PRKCQ: variants seen among roughly 807,000 people sequenced by gnomAD.
PRKCQ encodes protein kinase C theta, also known as protein kinase C theta type.
In PRKCQ, 41 loss-of-function variants were observed where a neutral mutation model predicts 91.2. The observed-to-expected ratio is 0.45, with a 90% confidence interval of 0.35 to 0.58. The LOEUF (loss-of-function observed/expected upper bound fraction) is 0.58, where lower values mean the gene tolerates loss of function less well. Among genes scored for constraint, PRKCQ ranks in the 20% least tolerant of loss-of-function variants. The pLI is 0.00. For missense variants in PRKCQ, 673 were observed against 896.5 expected (o/e 0.75, Z 3.18); for synonymous variants, 307 against 316.9 (o/e 0.97, Z 0.33).
intron 4 of PRKCQ, among the ~76,000 whole-genome samples, chr10:6,502,746 A>G (rs1367575908): frequency 6.6e-6 from 1 of 152,234 alleles, no homozygotes; most frequent in Non-Finnish European, 1.5e-5. Context: ...TGACTGATGC[A>G]TTCATGTGGA....
intron 1 of PRKCQ, among the ~76,000 whole-genome samples, chr10:6,527,435 T>C (rs1839239079): frequency 6.6e-6 from 1 of 152,166 alleles, no homozygotes; most frequent in Non-Finnish European, 1.5e-5. Context: ...TCATGGTCAT[T>C]ATGAGAAGGC....
chr10:6,549,722 C>G (rs2130932001), intron 1 of PRKCQ, among the ~76,000 whole-genome samples: 1 of 150,818 alleles, frequency 6.6e-6, no homozygotes, highest in Admixed American at 6.6e-5. Context: ...TCTCCACCTC[C>G]CAGGCTCAAG....
At position 6,497,136 on chromosome 10, in the gene PRKCQ, A is replaced by T; in HGVS notation, c.575-16T>A. The T allele has an allele frequency of 1.2e-6, 2 of 1,614,056 alleles. No homozygotes were observed. Among genetic ancestry groups the T allele is most frequent in the Non-Finnish European group, 1.7e-6 (2 of 1,179,940 alleles). Reference sequence around the variant, plus strand: ...GCATTGCATTCTGAAAAGAAGAAAAAAATCACAGCTTAAGATTTTCATAGC... The same window carrying T: ...GCATTGCATTCTGAAAAGAAGAAAATAATCACAGCTTAAGATTTTCATAGC... On this transcript the variant is annotated splice_polypyrimidine_tract_variant and intron_variant, in intron 6 of 17. Transcript: ENST00000263125. The surrounding 1 kb of genome is among the most constrained non-coding windows in gnomAD (Gnocchi z 4.5).
chr10:6,413,979 T>C, the PRKCQ span, among the ~76,000 whole-genome samples: 6 of 152,276 alleles, frequency 3.9e-5, no homozygotes, highest in Non-Finnish European at 8.8e-5. Context: ...CCTGACGACA[T>C]TGGACATCAG....
intron 11 of PRKCQ, among the ~76,000 whole-genome samples, chr10:6,481,471 A>G (rs952334062): frequency 2.0e-5 from 3 of 152,248 alleles, no homozygotes; most frequent in African/African-American, 7.2e-5. Flanking sequence ...ACTGGCTGTA[A>G]CATTGCCTAT....
At chr10:6,516,889 T>G (rs1251345342) in intron 1 of PRKCQ, among the ~76,000 whole-genome samples, 1 of 152,136 alleles carries the variant, frequency 6.6e-6, no homozygotes, top group Non-Finnish European at 1.5e-5. Flanking sequence ...GGAAGAGAGT[T>G]GGGGCAAAAC....
At position 6,486,123 on chromosome 10, in the gene PRKCQ, T is replaced by C; in HGVS notation, c.812A>G (p.His271Arg). The C allele has an allele frequency of 6.2e-7, 1 of 1,614,158 alleles. No individual in the cohort carries two copies. The highest frequency in any genetic ancestry group is 8.5e-7 in the Non-Finnish European group (1 of 1,180,006). ...KCDACGMNVHHRCQTKVANLC... is the reference protein window; with the variant it reads ...KCDACGMNVHRRCQTKVANLC... ...GTTGGCCACCTTTGTCTGGCATCTA[T>C]GATGCACATTCATGCCACATGCTGG... The change falls in exon 9 of 18, where the codon CAT (histidine) becomes CGT (arginine). Residue 271 changes from histidine to arginine, a missense_variant. Transcript: ENST00000263125.
At chr10:6,533,610 CT>C (rs1026528025) in intron 1 of PRKCQ, among the ~76,000 whole-genome samples, 5 of 152,146 alleles carry the variant, frequency 3.3e-5, no homozygotes, top group African/African-American at 1.2e-4. Context: ...TTCATCCTTC[CT>C]TCTCCCAGCC....
intron 1 of PRKCQ, among the ~76,000 whole-genome samples, chr10:6,531,349 G>C (rs1414363461): frequency 6.6e-6 from 1 of 151,582 alleles, no homozygotes; most frequent in East Asian, 1.9e-4. Flanking sequence ...GCTCCTCTGA[G>C]CAACATTTGG....
intron 12 of PRKCQ, among the ~76,000 whole-genome samples, chr10:6,464,655 C>A (rs1015975353): frequency 6.6e-6 from 1 of 152,120 alleles, no homozygotes; most frequent in South Asian, 2.1e-4. Flanking sequence ...GCCATGTTAG[C>A]CAGGCTGGTC....
chr10:6,492,082 G>A (rs776611771), intron 7 of PRKCQ, among the ~76,000 whole-genome samples: 23 of 152,182 alleles, frequency 1.5e-4, no homozygotes, highest in Non-Finnish European at 2.9e-4. Context: ...ACACAGACAG[G>A]CTAAAAGCTC....
chr10:6,470,372 G>A (rs750108299), intron 12 of PRKCQ, among the ~76,000 whole-genome samples: 4 of 152,054 alleles, frequency 2.6e-5, no homozygotes, highest in Non-Finnish European at 5.9e-5. Context: ...TGATTCTGAC[G>A]CTCATATATT....
chr10:6,431,044 T>C, intron 16 of PRKCQ, 106 bp from the exon 17 acceptor site: 23 of 1,380,916 alleles, frequency 1.7e-5, no homozygotes, highest in Non-Finnish European at 1.7e-5. Context: ...TCTAACCTCA[T>C]TTTTCTACTC....
At chr10:6,537,751 T>C (rs1839636375) in intron 1 of PRKCQ, among the ~76,000 whole-genome samples, 1 of 152,172 alleles carries the variant, frequency 6.6e-6, no homozygotes, top group South Asian at 2.1e-4. Context: ...GACACTTCTC[T>C]GGGGCTCTCA....
intron 1 of PRKCQ, among the ~76,000 whole-genome samples, chr10:6,545,934 G>A (rs1402563405): frequency 6.6e-6 from 1 of 152,114 alleles, no homozygotes; most frequent in Non-Finnish European, 1.5e-5. Context: ...AACCCAGGAG[G>A]TGGAGGTTGC....
chr10:6,502,046 T>C (rs1028675780), intron 4 of PRKCQ, among the ~76,000 whole-genome samples: 1 of 152,108 alleles, frequency 6.6e-6, no homozygotes, highest in Non-Finnish European at 1.5e-5. Flanking sequence ...TCAGCAGGCA[T>C]TCATTGTGTA....
chr10:6,505,789 G>T (rs1024605142), intron 4 of PRKCQ, among the ~76,000 whole-genome samples: 8 of 152,032 alleles, frequency 5.3e-5, no homozygotes, highest in African/African-American at 1.7e-4. Context: ...GGGACTACAG[G>T]CACGCACCAC....
the PRKCQ span, among the ~76,000 whole-genome samples, chr10:6,411,634 T>C: frequency 2.6e-5 from 4 of 152,244 alleles, no homozygotes; most frequent in African/African-American, 7.2e-5. Flanking sequence ...TGTTTCCGTA[T>C]TGGCCGTGAC....
At chr10:6,501,066 G>C (rs1430410812) in intron 4 of PRKCQ, among the ~76,000 whole-genome samples, 1 of 152,164 alleles carries the variant, frequency 6.6e-6, no homozygotes, top group African/African-American at 2.4e-5. Flanking sequence ...AAGCTGAAAA[G>C]AAATGAAGTT....
Sources: gnomAD v4.1 joint callset for allele counts (sites outside exome capture counted in the v4.1 genomes callset) on GRCh38, gnomAD v4.1.1 for gene constraint, Gnocchi (gnomAD v3.1) non-coding constraint, MANE v1.5 for transcripts, NCBI Gene and HGNC (gene_info 2026-07-23, HGNC 2026-07-21) for gene names.